BMS1: variants seen among roughly 807,000 people sequenced by gnomAD.
BMS1 encodes BMS1 ribosome biogenesis factor, also known as ribosome biogenesis protein BMS1 homolog.
A neutral mutation model predicts 138.7 loss-of-function variants in BMS1; 53 were observed. That is an observed-to-expected ratio of 0.38 (90% CI 0.31 to 0.48). The LOEUF (loss-of-function observed/expected upper bound fraction) is 0.48. Ranked by LOEUF, BMS1 falls within the 20% of genes least tolerant of loss-of-function variation. BMS1 has a pLI of 0.97. For missense variants in BMS1, 1,360 were observed against 1,565.5 expected (o/e 0.87, Z 2.22); for synonymous variants, 504 against 539.9 (o/e 0.93, Z 0.92).
At chr10:42,820,079 A>AT (rs1350023714) in intron 15 of BMS1, 157 bp from the exon 16 acceptor site, 1 of 503,576 alleles carries the variant, frequency 2.0e-6, no homozygotes, top group African/African-American at 2.1e-5. Context: ...GGCGTGAGCC[A>AT]CTGTACCTGG....
intron 13 of BMS1, among the ~76,000 whole-genome samples, chr10:42,807,094 CAT>C (rs148873559): frequency 0.021 from 3,140 of 152,132 alleles, 98 homozygotes; most frequent in African/African-American, 0.071. Context: ...TCTTTTATCA[CAT>C]GTGTAGGTTT....
At chr10:42,799,108 TTC>T (rs909382416) in intron 12 of BMS1, among the ~76,000 whole-genome samples, 2 of 151,790 alleles carry the variant, frequency 1.3e-5, no homozygotes, top group Non-Finnish European at 2.9e-5. Context: ...CCTCTTCTCT[TTC>T]TCTCTCTCTC....
rs1391479239 is a variant in BMS1 at position 42,833,549 on chromosome 10, A to T, written c.*2453A>T. The stretch of plus-strand genomic sequence containing the variant: ...TGGGCAGCATGTGACTGTACTGACT[A>T]CTGTAGGCAGTTGTAACACAGTGGT... On this transcript the variant is annotated 3_prime_UTR_variant, in exon 23 of 23. Transcript: ENST00000374518. 2 of 152,216 alleles carry T rather than the reference A, an allele frequency of 1.3e-5. No individual in the cohort carries two copies. Among genetic ancestry groups the T allele is most frequent in the East Asian group, 3.8e-4 (2 of 5,198 alleles). 9.4% of individuals were successfully genotyped at this position (152,216 alleles called of 1,614,324 possible). A position where few individuals can be genotyped will look rare whatever the true frequency, so the allele number is the denominator to read the frequency against.
At chr10:42,822,022 T>G in intron 18 of BMS1, 40 bp from the exon 19 acceptor site, 2 of 1,570,688 alleles carry the variant, frequency 1.3e-6, no homozygotes. Flanking sequence ...TTTCTCTTGC[T>G]GATATTATTC....
intron 9 of BMS1, among the ~76,000 whole-genome samples, chr10:42,795,704 T>C (rs1841663187): frequency 6.6e-6 from 1 of 152,188 alleles, no homozygotes; most frequent in Non-Finnish European, 1.5e-5. Context: ...ATTTTATATA[T>C]CTTGCTACAT....
chr10:42,817,435 G>A lies in BMS1; in HGVS notation c.2521G>A (p.Asp841Asn). The A allele has an allele frequency of 1.9e-6, 3 of 1,607,902 alleles. No homozygotes were observed. The highest frequency in any genetic ancestry group is 2.5e-6 in the Non-Finnish European group (3 of 1,179,026). Residue 841 changes from aspartate to asparagine, a missense_variant, in exon 15 of 23, where the codon GAT becomes AAT. Coordinates refer to ENST00000374518, the MANE Select transcript of BMS1 (RefSeq NM_014753.4). ...GAAGGAGATGTTTGATGCAGAATAT[G>A]ATGAAGGAGAAAGCACATATTTTGA... is the stretch of plus-strand genomic sequence containing the variant. ...KLKEMFDAEYDEGESTYFDDL... is the reference protein window; with the variant it reads ...KLKEMFDAEYNEGESTYFDDL...
At chr10:42,815,890 G>T (rs1842333338) in intron 13 of BMS1, among the ~76,000 whole-genome samples, 1 of 152,230 alleles carries the variant, frequency 6.6e-6, no homozygotes, top group South Asian at 2.1e-4. Context: ...CGATTGTGTT[G>T]TGTTGAACTT....
chr10:42,806,935 T>C (rs1203281899), intron 13 of BMS1, among the ~76,000 whole-genome samples: 1 of 152,198 alleles, frequency 6.6e-6, no homozygotes, highest in Non-Finnish European at 1.5e-5. Context: ...TGTGTATATA[T>C]GTACTATGTA....
chr10:42,815,868 A>T (rs1404750208), intron 13 of BMS1, among the ~76,000 whole-genome samples: 1 of 152,244 alleles, frequency 6.6e-6, no homozygotes, highest in Non-Finnish European at 1.5e-5. Flanking sequence ...AATTTCCCCT[A>T]GGTGTGTTAC....
intron 13 of BMS1, among the ~76,000 whole-genome samples, chr10:42,814,011 G>A (rs1318326183): frequency 1.3e-5 from 2 of 152,150 alleles, no homozygotes; most frequent in East Asian, 3.9e-4. Flanking sequence ...TGGCATTTGA[G>A]TTGGCATGTC....
chr10:42,827,766 T>A (rs1842692026), intron 21 of BMS1, among the ~76,000 whole-genome samples: 1 of 152,144 alleles, frequency 6.6e-6, no homozygotes, highest in Non-Finnish European at 1.5e-5. Flanking sequence ...GGCTCTCCTT[T>A]AGTGACTTTC....
rs1841508192 is a variant in BMS1, at chr10:42,791,635, G to A, written c.645G>A (p.Lys215=). 2 of 1,604,022 alleles carry A rather than the reference G, an allele frequency of 1.2e-6. No individual in the cohort carries two copies. The highest frequency in any genetic ancestry group is 1.3e-5 in the African/African-American group (1 of 74,276). Residue 215 remains lysine (K), a synonymous_variant, in exon 6 of 23, where the codon AAG becomes AAA. Transcript: ENST00000374518. Reference sequence around the variant, plus strand: ...TTTCCTCTAATGTTTAGGGTGCCAAGCTGTTCTACCTTTCTGGAATGGTGC... The same window carrying A: ...TTTCCTCTAATGTTTAGGGTGCCAAACTGTTCTACCTTTCTGGAATGGTGC... The part of the protein sequence containing the change: ...RFWTEVYPGA[K]LFYLSGMVHG...
intron 13 of BMS1, among the ~76,000 whole-genome samples, chr10:42,813,534 C>T (rs564020539): frequency 1.1e-4 from 17 of 152,106 alleles, no homozygotes; most frequent in African/African-American, 1.7e-4. Context: ...TTACCTTTTC[C>T]GCTTGTATGA....
At chr10:42,824,818 A>G (rs1842593466) in intron 21 of BMS1, among the ~76,000 whole-genome samples, 1 of 152,114 alleles carries the variant, frequency 6.6e-6, no homozygotes, top group African/African-American at 2.4e-5. Context: ...ATTTATTTCA[A>G]AGGTCTCTGT....
At position 42,823,611 on chromosome 10, in the gene BMS1, A is replaced by G. The variant is rs1168768841; in HGVS notation, c.3283A>G (p.Ile1095Val). ...SFEDKLLMSDIVFMRTWYPVS... is the reference protein window; with the variant it reads ...SFEDKLLMSDVVFMRTWYPVS... ...AAGTAAATTACCTCTCTTTTCAGATATTGTCTTCATGCGAACTTGGTATCC... is the reference window on the plus strand; with the variant it reads ...AAGTAAATTACCTCTCTTTTCAGATGTTGTCTTCATGCGAACTTGGTATCC... The change falls in exon 21 of 23, where the codon ATT (isoleucine) becomes GTT (valine). Residue 1095 changes from isoleucine (I) to valine (V), a missense_variant and splice_region_variant. Ile to Val is a conservative substitution (Grantham distance 29). Transcript: ENST00000374518. The G allele has an allele frequency of 6.5e-6, 10 of 1,544,690 alleles. No individual in the cohort carries two copies. Among genetic ancestry groups the G allele is most frequent in the Admixed American group, 1.9e-5 (1 of 51,628 alleles).
chr10:42,817,135 C>G (rs1448632244), intron 14 of BMS1, among the ~76,000 whole-genome samples, 183 bp from the exon 15 acceptor site: 1 of 152,146 alleles, frequency 6.6e-6, no homozygotes, highest in East Asian at 1.9e-4. Flanking sequence ...CAGATGTAAC[C>G]ATTTCCTGTA....
chr10:42,796,569 G>C lies in BMS1; in HGVS notation c.1325G>C (p.Ser442Thr). The change falls in exon 10 of 23, where the codon AGT becomes ACT. Residue 442 changes from serine (S) to threonine (T), a missense_variant. Ser to Thr is a moderately conservative substitution (Grantham distance 58, BLOSUM62 1). Coordinates refer to ENST00000374518, the MANE Select transcript of BMS1 (RefSeq NM_014753.4). The stretch of plus-strand genomic sequence containing the variant: ...GGAGATGAAGATGAATCTGGAGATA[G>C]TGATGATGAAGAAGATGATGAAATG... ...IFGDEDESGD[S>T]DDEEDDEMSE... 3.1e-6 allele frequency: 5 copies of C among 1,614,196 alleles called. No homozygotes were observed. Among genetic ancestry groups the C allele is most frequent in the Non-Finnish European group, 3.4e-6 (4 of 1,180,038 alleles).
chr10:42,808,479 T>G (rs1312913154), intron 13 of BMS1, among the ~76,000 whole-genome samples: 1 of 151,822 alleles, frequency 6.6e-6, no homozygotes, highest in Non-Finnish European at 1.5e-5. Context: ...TTTTGTATTT[T>G]TAGTAGAGAC....
At chr10:42,824,331 G>C (rs1324764251) in intron 21 of BMS1, among the ~76,000 whole-genome samples, 2 of 152,024 alleles carry the variant, frequency 1.3e-5, no homozygotes, top group African/African-American at 2.4e-5. Context: ...TTTCAACTGG[G>C]TTGTTTTTCT....
Sources: gnomAD v4.1 joint callset for allele counts (sites outside exome capture counted in the v4.1 genomes callset) on GRCh38, gnomAD v4.1.1 for gene constraint, MANE v1.5 for transcripts, NCBI Gene and HGNC (gene_info 2026-07-23, HGNC 2026-07-21) for gene names.